Variants in PFKP observed in about 807,000 individuals in gnomAD.
PFKP encodes phosphofructokinase, platelet, also known as ATP-dependent 6-phosphofructokinase, platelet type.
In PFKP, 101 loss-of-function variants were observed where a neutral mutation model predicts 94.3. That is an observed-to-expected ratio of 1.07 (90% CI 0.91 to 1.26). The LOEUF is 1.26. PFKP is among the 50% of genes most tolerant of loss of function. PFKP has a pLI of 0.00. For synonymous variants in PFKP, 573 were observed against 432.6 expected, an observed-to-expected ratio of 1.32 and a Z score of -4.03; for missense variants, 1,145 against 1,103.3, an observed-to-expected ratio of 1.04 and a Z score of -0.53.
rs762672264 is a variant in PFKP, at chr10:3,125,069, C to T, written c.1684-4750C>T. On this transcript the variant is annotated intron_variant, in intron 16 of 21. Coordinates refer to ENST00000381125, the MANE Select transcript of PFKP (RefSeq NM_002627.5). The stretch of plus-strand genomic sequence containing the variant: ...CTGGCAGGTGAGCACCCGGCACCCC[C>T]GCTAACCGCTTGGCCCTGCTGCTTC... 2.1e-5 allele frequency: 25 copies of T among 1,212,098 alleles called. No homozygotes were observed. The South Asian group carries it at 2.5e-4, about 12-fold the overall frequency. 75.1% of individuals were successfully genotyped at this position (1,212,098 alleles called of 1,614,324 possible). A position where few individuals can be genotyped will look rare whatever the true frequency, so the allele number is the denominator to read the frequency against.
At chr10:3,079,299 A>G (rs1832839521) in intron 1 of PFKP, among the ~76,000 whole-genome samples, 1 of 151,270 alleles carries the variant, frequency 6.6e-6, no homozygotes, top group Non-Finnish European at 1.5e-5. Flanking sequence ...CAGTGGCATG[A>G]TCTCAGCTCA....
chr10:3,114,215 T>A (rs1836563123), intron 13 of PFKP, among the ~76,000 whole-genome samples: 1 of 151,622 alleles, frequency 6.6e-6, no homozygotes, highest in African/African-American at 2.4e-5. Context: ...AATGGCGTGA[T>A]CTTGGCCCAC....
chr10:3,089,715 ATG>A (rs746602469), intron 2 of PFKP, among the ~76,000 whole-genome samples: 4 of 150,046 alleles, frequency 2.7e-5, no homozygotes, highest in Non-Finnish European at 5.9e-5. Flanking sequence ...ATCGTATACA[ATG>A]TTATACATTA....
chr10:3,108,007 A>T (rs906006653), intron 8 of PFKP: 1 of 1,289,548 alleles, frequency 7.8e-7, no homozygotes, highest in Non-Finnish European at 1.0e-6. Context: ...TGTTATGGTC[A>T]GTTAAGGAGC....
At chr10:3,135,178 A>G (rs1337356664) in intron 20 of PFKP, among the ~76,000 whole-genome samples, 1 of 152,072 alleles carries the variant, frequency 6.6e-6, no homozygotes, top group Non-Finnish European at 1.5e-5. Flanking sequence ...TTGTGCCAGC[A>G]TCTTTCTCAC....
At chr10:3,134,110 G>A (rs1479062637) in intron 19 of PFKP, among the ~76,000 whole-genome samples, 1 of 152,102 alleles carries the variant, frequency 6.6e-6, no homozygotes. Context: ...TGAATCCCCT[G>A]CAATGATGAT....
chr10:3,083,206 T>G (rs1400440018), intron 2 of PFKP, among the ~76,000 whole-genome samples: 1 of 152,226 alleles, frequency 6.6e-6, no homozygotes, highest in African/African-American at 2.4e-5. Flanking sequence ...ACAGCCACTT[T>G]GAGCTTTTCA....
At chr10:3,097,510 G>T (rs567551340) in intron 2 of PFKP, among the ~76,000 whole-genome samples, 1 of 152,192 alleles carries the variant, frequency 6.6e-6, no homozygotes, top group East Asian at 1.9e-4. Context: ...AAGATGTTCT[G>T]CTGTTTTGCC....
intron 1 of PFKP, among the ~76,000 whole-genome samples, chr10:3,071,308 TTC>T (rs1369640362): frequency 6.6e-6 from 1 of 152,070 alleles, no homozygotes; most frequent in Admixed American, 6.6e-5. Context: ...GAAAATCTCT[TTC>T]TCTTTTCTAT....
intron 2 of PFKP, among the ~76,000 whole-genome samples, chr10:3,083,280 C>T (rs564297939): frequency 6.8e-4 from 103 of 152,262 alleles, no homozygotes; most frequent in African/African-American, 2.3e-3. Context: ...AGGAGTGACT[C>T]CCTGTCTGCC....
intron 20 of PFKP, among the ~76,000 whole-genome samples, chr10:3,135,412 CAG>C (rs1320743115): frequency 1.9e-5 from 1 of 51,904 alleles, no homozygotes; most frequent in Non-Finnish European, 4.1e-5. Context: ...TTTTGCCTCT[CAG>C]TGTGTGTATG....
chr10:3,117,486 C>T (rs1836951563), intron 14 of PFKP, among the ~76,000 whole-genome samples: 1 of 152,166 alleles, frequency 6.6e-6, no homozygotes, highest in African/African-American at 2.4e-5. Flanking sequence ...TAGTTTTTGG[C>T]AAATATAATA....
chr10:3,107,856 A>G, intron 8 of PFKP: 1 of 1,282,778 alleles, frequency 7.8e-7, no homozygotes, highest in South Asian at 1.2e-5. Context: ...CTGTCTGGAG[A>G]GGACTCTGAT....
chr10:3,093,376 C>T (rs1330291323), intron 2 of PFKP, among the ~76,000 whole-genome samples: 2 of 152,190 alleles, frequency 1.3e-5, no homozygotes, highest in East Asian at 3.9e-4. Flanking sequence ...TCAACCACTC[C>T]ACTTCTGTCT....
At chr10:3,132,130 T>A (rs997455732) in intron 17 of PFKP, among the ~76,000 whole-genome samples, 3 of 152,142 alleles carry the variant, frequency 2.0e-5, no homozygotes, top group Non-Finnish European at 4.4e-5. Context: ...GGGACCCTGT[T>A]GACTCTGGAA....
chr10:3,112,385 CTG>C (rs1836335021), intron 11 of PFKP, 99 bp downstream of exon 11: 12 of 907,408 alleles, frequency 1.3e-5, no homozygotes, highest in Middle Eastern at 2.3e-4. Context: ...TTCCATGTCA[CTG>C]TGAAAAATCA....
At chr10:3,112,435 A>G in intron 11 of PFKP, 149 bp downstream of exon 11, 1 of 694,996 alleles carries the variant, frequency 1.4e-6, no homozygotes, top group South Asian at 1.6e-5. Flanking sequence ...CTCTTGCAGT[A>G]GCAGGCCCTG....
In PFKP at chr10:3,073,153, CATTT is replaced by C. The variant is rs1374688427; in HGVS notation, c.112+5449_112+5452del. The stretch of plus-strand genomic sequence containing the variant: ...AGACCAGAGCACTGAGAGGCAGAGA[CATTT>C]ATAGGTCCTAGCCCTGGTCCTGCTG... On this transcript the variant is annotated intron_variant, in intron 1 of 21. Coordinates refer to ENST00000381125, the MANE Select transcript of PFKP (RefSeq NM_002627.5). 1.3e-5 allele frequency among the ~76,000 whole-genome samples: 2 copies of C among 151,874 alleles called. 1 individual carries two copies. The highest frequency in any genetic ancestry group is 4.8e-5 in the African/African-American group (2 of 41,322).
intron 16 of PFKP, among the ~76,000 whole-genome samples, chr10:3,127,805 G>A (rs114362095): frequency 0.018 from 2,668 of 152,264 alleles, 81 homozygotes; most frequent in African/African-American, 0.062. Context: ...ACTAGAGTCC[G>A]TGTTCAGTTT....
Sources: gnomAD v4.1 joint callset for allele counts (sites outside exome capture counted in the v4.1 genomes callset) on GRCh38, gnomAD v4.1.1 for gene constraint, MANE v1.5 for transcripts, NCBI Gene and HGNC (gene_info 2026-07-23, HGNC 2026-07-21) for gene names.